The following OPCML variants were observed in gnomAD, a reference collection of about 807,000 sequenced individuals.
OPCML encodes opioid binding protein/cell adhesion molecule like.
Under a neutral mutation model 37.8 loss-of-function variants are expected in OPCML, and 13 were observed. The observed-to-expected ratio is 0.34, with a 90% confidence interval of 0.22 to 0.55. The LOEUF (loss-of-function observed/expected upper bound fraction) is 0.55. Ranked by LOEUF, OPCML falls within the 20% of genes least tolerant of loss-of-function variation. The probability of loss-of-function intolerance (pLI) is 0.91; values close to 1 mark genes in which losing one functional copy is unlikely to be tolerated. For synonymous variants in OPCML, 176 were observed against 168.8 expected (o/e 1.04, Z -0.33); for missense variants, 341 against 435.6 (o/e 0.78, Z 1.93).
chr11:133,172,573 G>T (rs1950302120), intron 1 of OPCML, among the ~76,000 whole-genome samples: 1 of 152,184 alleles, frequency 6.6e-6, no homozygotes, highest in Non-Finnish European at 1.5e-5. Context: ...ATGGGACAGT[G>T]TGGGTGGGAG....
At chr11:133,397,199 C>A (rs1250349734) in intron 1 of OPCML, among the ~76,000 whole-genome samples, 2 of 152,134 alleles carry the variant, frequency 1.3e-5, no homozygotes. Flanking sequence ...GCAGTCTTCC[C>A]CAGTTGGGCT....
intron 2 of OPCML, among the ~76,000 whole-genome samples, chr11:132,891,100 T>C (rs1020704994): frequency 2.0e-5 from 3 of 152,188 alleles, no homozygotes; most frequent in African/African-American, 7.2e-5. Context: ...ATATGTAATT[T>C]AGAACTTTTT....
intron 1 of OPCML, among the ~76,000 whole-genome samples, chr11:133,020,820 C>A (rs73033005): frequency 0.025 from 3,793 of 152,198 alleles, 77 homozygotes; most frequent in South Asian, 0.047. Flanking sequence ...GTTTGGTACA[C>A]GCCAATTAAA....
At chr11:133,286,698 T>C (rs1042343741) in intron 1 of OPCML, among the ~76,000 whole-genome samples, 1 of 152,152 alleles carries the variant, frequency 6.6e-6, no homozygotes, top group African/African-American at 2.4e-5. Flanking sequence ...CTACCTGCAC[T>C]AACCTCAAGA....
chr11:132,788,101 G>C (rs1033497047), intron 2 of OPCML, among the ~76,000 whole-genome samples: 6 of 152,052 alleles, frequency 3.9e-5, no homozygotes, highest in African/African-American at 7.2e-5. Context: ...GGATGATCTC[G>C]ATCTCTTGAC....
chr11:133,042,450 G>A (rs1276062754), intron 1 of OPCML, among the ~76,000 whole-genome samples: 1 of 152,198 alleles, frequency 6.6e-6, no homozygotes, highest in Non-Finnish European at 1.5e-5. Context: ...TTACAGGTGG[G>A]CAGGCAGAGA....
In OPCML at chr11:133,513,417, CCT is replaced by C. The variant is rs112647930; in HGVS notation, c.61+18845_61+18846del. On this transcript the variant is annotated intron_variant, in intron 1 of 7. Transcript: ENST00000524381. Reference sequence around the variant, plus strand: ...ACTCCTTTCTTCCACTGCTTTACCCCCTGTCTCCTGTTTCCCAGCCAATCCCC... The same window carrying C: ...ACTCCTTTCTTCCACTGCTTTACCCCGTCTCCTGTTTCCCAGCCAATCCCC... Among the ~76,000 whole-genome samples, 1,107 of 152,312 alleles carry C rather than the reference CCT, an allele frequency of 7.3e-3. 12 individuals are homozygous for C. Among genetic ancestry groups the C allele is most frequent in the African/African-American group, 0.024 (997 of 41,568 alleles).
intron 1 of OPCML, among the ~76,000 whole-genome samples, chr11:133,395,438 T>C (rs1202322286): frequency 1.3e-5 from 2 of 152,232 alleles, no homozygotes; most frequent in Non-Finnish European, 2.9e-5. Context: ...TGGTTGCCTG[T>C]ACTTGTGGGG....
In OPCML at chr11:133,211,380, C is replaced by T. The variant is rs1939352304; in HGVS notation, c.62-268370G>A. Among the ~76,000 whole-genome samples the T allele has an allele frequency of 6.6e-6, 1 of 152,298 alleles. No homozygotes were observed. Among genetic ancestry groups the T allele is most frequent in the South Asian group, 2.1e-4 (1 of 4,820 alleles). On this transcript the variant is annotated intron_variant, in intron 1 of 7. Coordinates refer to ENST00000524381, the MANE Select transcript of OPCML (RefSeq NM_001012393.5). The surrounding 1 kb of genome is among the most constrained non-coding windows in gnomAD (Gnocchi z 4.1). ...ACCCTGGGAAGTTCTGAATCCTCTC[C>T]CTCTCAAACTGGGAACAATAAGGCT... is the stretch of plus-strand genomic sequence containing the variant.
chr11:132,583,025 G>GATTTT (rs2096465430), intron 3 of OPCML, among the ~76,000 whole-genome samples: 1 of 151,642 alleles, frequency 6.6e-6, no homozygotes, highest in South Asian at 2.1e-4. Flanking sequence ...ATAGGAAAAT[G>GATTTT]TCTCTACACT....
chr11:132,657,228 G>A lies in OPCML; in HGVS notation c.238C>T (p.Arg80Cys). The A allele has an allele frequency of 1.2e-6, 2 of 1,614,222 alleles. No individual in the cohort carries two copies. The highest frequency in any genetic ancestry group is 1.7e-6 in the Non-Finnish European group (2 of 1,180,042). The stretch of plus-strand genomic sequence containing the variant: ...GGTGTATTGACCAGGATGATCACAC[G>A]AGGGTCTATGGACCACTTGTCATTC... The part of the protein sequence containing the change: ...AGNDKWSIDP[R>C]VIILVNTPTQ... The change falls in exon 3 of 8, where the codon CGT (arginine) becomes TGT (cysteine). Residue 80 changes from arginine to cysteine, a missense_variant. Arg to Cys is a radical substitution (Grantham distance 180). Transcript: ENST00000524381.
chr11:132,690,313 T>C (rs1943346963), intron 2 of OPCML, among the ~76,000 whole-genome samples: 1 of 152,188 alleles, frequency 6.6e-6, no homozygotes, highest in Non-Finnish European at 1.5e-5. Flanking sequence ...CTGGGTTTCA[T>C]TCTAGAGCTT....
chr11:133,252,299 A>G (rs1034773751), intron 1 of OPCML, among the ~76,000 whole-genome samples: 4 of 152,256 alleles, frequency 2.6e-5, no homozygotes, highest in Non-Finnish European at 4.4e-5. Flanking sequence ...AATATTTAAC[A>G]TTAACGTTTC....
chr11:132,738,604 GC>G (rs1224353607), intron 2 of OPCML, among the ~76,000 whole-genome samples: 1 of 152,134 alleles, frequency 6.6e-6, no homozygotes, highest in African/African-American at 2.4e-5. Flanking sequence ...CTCAGTTTGG[GC>G]TGTGCTCCCT....
chr11:133,414,969 C>A (rs1160596828), intron 1 of OPCML, among the ~76,000 whole-genome samples: 2 of 152,152 alleles, frequency 1.3e-5, no homozygotes, highest in African/African-American at 4.8e-5. Context: ...AGGGGAATTA[C>A]TTGATCAAAA....
At chr11:132,742,410 T>C (rs1945461112) in intron 2 of OPCML, among the ~76,000 whole-genome samples, 1 of 152,128 alleles carries the variant, frequency 6.6e-6, no homozygotes, top group Non-Finnish European at 1.5e-5. Context: ...GGTCCCACCC[T>C]CAATCATGCA....
chr11:132,576,736 A>G (rs146576132), intron 3 of OPCML, among the ~76,000 whole-genome samples: 54 of 152,132 alleles, frequency 3.5e-4, no homozygotes, highest in Middle Eastern at 3.4e-3. Flanking sequence ...CCTGGTCTTC[A>G]CTGACTTCTT....
At chr11:132,457,017 C>T (rs766184824) in intron 4 of OPCML, among the ~76,000 whole-genome samples, 12 of 152,014 alleles carry the variant, frequency 7.9e-5, no homozygotes, top group Non-Finnish European at 5.9e-5. Context: ...GGAGGGATGC[C>T]GCAGAGGCAA....
intron 4 of OPCML, among the ~76,000 whole-genome samples, chr11:132,469,920 A>T (rs565143932): frequency 1.9e-5 from 2 of 106,352 alleles, no homozygotes; most frequent in Non-Finnish European, 3.6e-5. Context: ...ATATGTGTGT[A>T]TGTGTGTGGG....
Sources: gnomAD v4.1 joint callset for allele counts (sites outside exome capture counted in the v4.1 genomes callset) on GRCh38, gnomAD v4.1.1 for gene constraint, Gnocchi (gnomAD v3.1) non-coding constraint, MANE v1.5 for transcripts, NCBI Gene and HGNC (gene_info 2026-07-23, HGNC 2026-07-21) for gene names.